The following AGAP1 variants were observed in gnomAD, a reference collection of about 807,000 sequenced individuals.
AGAP1 encodes arf-GAP with GTPase, ANK repeat and PH domain-containing protein 1.
A neutral mutation model predicts 105.3 loss-of-function variants in AGAP1; 29 were observed. The ratio of observed to expected loss-of-function variants is 0.28; its 90% CI spans 0.21 to 0.38. The LOEUF (loss-of-function observed/expected upper bound fraction) is 0.38, where lower values mean the gene tolerates loss of function less well. Ranked by LOEUF, AGAP1 falls within the 10% of genes least tolerant of loss-of-function variation. The pLI, the probability that AGAP1 is intolerant of heterozygous loss-of-function variation, is 1.00. For synonymous variants in AGAP1, 509 were observed against 485.9 expected (o/e 1.05, Z -0.63); for missense variants, 998 against 1,165.1 (o/e 0.86, Z 2.09).
At chr2:236,088,814 A>G (rs191637865) in intron 16 of AGAP1, among the ~76,000 whole-genome samples, 2 of 152,302 alleles carry the variant, frequency 1.3e-5, no homozygotes, top group African/African-American at 2.4e-5. Context: ...TTCTGCTTCT[A>G]TTCACTGTGT....
At chr2:235,852,658 A>T in intron 9 of AGAP1, 4 of 1,432,534 alleles carry the variant, frequency 2.8e-6, no homozygotes, top group Non-Finnish European at 3.7e-6. Flanking sequence ...GTTGTGAAGA[A>T]TTTTTTTTAT....
chr2:235,797,335 G>A (rs1038821128), intron 6 of AGAP1, among the ~76,000 whole-genome samples: 17 of 152,126 alleles, frequency 1.1e-4, no homozygotes, highest in East Asian at 5.8e-4. Flanking sequence ...TTGGGGGACC[G>A]GCTCTATCTG....
chr2:235,555,930 C>T lies in AGAP1; in HGVS notation c.163+61081C>T, dbSNP rs1574838970. Among the ~76,000 whole-genome samples the T allele has an allele frequency of 6.6e-6, 1 of 152,280 alleles. No homozygotes were observed. Among genetic ancestry groups the T allele is most frequent in the Non-Finnish European group, 1.5e-5 (1 of 68,036 alleles). On this transcript the variant is annotated intron_variant, in intron 1 of 17. Transcript: ENST00000304032. The surrounding 1 kb of genome is among the most constrained non-coding windows in gnomAD (Gnocchi z 5.1). The stretch of plus-strand genomic sequence containing the variant: ...AATATTTGGGGCACCTGCTCTGGGC[C>T]ATGTACACAATGAGGCAAAGCAATA...
At chr2:236,024,812 G>A (rs2057001627) in intron 13 of AGAP1, among the ~76,000 whole-genome samples, 1 of 152,218 alleles carries the variant, frequency 6.6e-6, no homozygotes, top group Non-Finnish European at 1.5e-5. Context: ...TGTTATTAAT[G>A]TCGTTTGGAA....
At chr2:235,998,912 G>A (rs1023444784) in intron 13 of AGAP1, among the ~76,000 whole-genome samples, 9 of 151,420 alleles carry the variant, frequency 5.9e-5, no homozygotes, top group African/African-American at 1.5e-4. Context: ...CGGCAATGAC[G>A]ATGATAGTAT....
rs962048494 is a variant in AGAP1 at position 235,794,764 on chromosome 2, G to C, written c.674-2995G>C. ...TGGGATTACAGGTATGAGCCACCGC[G>C]CCCAGCCGCTTCCAGATTTTTTTTA... On this transcript the variant is annotated intron_variant, in intron 6 of 17. Coordinates refer to ENST00000304032, the MANE Select transcript of AGAP1 (RefSeq NM_001037131.3). 2.0e-5 allele frequency among the ~76,000 whole-genome samples: 3 copies of C among 152,204 alleles called. No individual in the cohort carries two copies. The East Asian group carries it at 5.8e-4, about 29-fold the overall frequency.
chr2:236,091,124 G>A (rs907501481), intron 16 of AGAP1, among the ~76,000 whole-genome samples: 1 of 152,228 alleles, frequency 6.6e-6, no homozygotes, highest in Non-Finnish European at 1.5e-5. Flanking sequence ...CTACACACGT[G>A]CATGCGTGTT....
intron 8 of AGAP1, among the ~76,000 whole-genome samples, chr2:235,805,959 AGGAGAGTAGCACCC>A (rs1196649846): frequency 1.3e-5 from 2 of 152,216 alleles, no homozygotes; most frequent in Non-Finnish European, 2.9e-5. Flanking sequence ...ACAGCTGCCC[AGGAGAGTAGCACCC>A]TTTGAAGTGC....
At chr2:235,910,256 T>G (rs2051530181) in intron 11 of AGAP1, among the ~76,000 whole-genome samples, 2 of 152,296 alleles carry the variant, frequency 1.3e-5, no homozygotes, top group Admixed American at 1.3e-4. Context: ...CCCACCACAT[T>G]GGGGTGCTCT....
At position 235,930,792 on chromosome 2, in the gene AGAP1, A is replaced by G. The variant is rs1478869487; in HGVS notation, c.1352A>G (p.Gln451Arg). 1.2e-6 allele frequency: 2 copies of G among 1,613,980 alleles called. No homozygotes were observed. Among genetic ancestry groups the G allele is most frequent in the Non-Finnish European group, 1.7e-6 (2 of 1,180,000 alleles). Residue 451 changes from glutamine (Q) to arginine (R), a missense_variant, in exon 12 of 18, where the codon CAG becomes CGG. By Grantham distance (43) the Gln-to-Arg change is conservative. Coordinates refer to ENST00000304032, the MANE Select transcript of AGAP1 (RefSeq NM_001037131.3). The surrounding 1 kb of genome is among the most constrained non-coding windows in gnomAD (Gnocchi z 7.9). ...SGNVTSASGS[Q>R]MASGISLVSF... ...AATGTCACTAGTGCATCTGGGTCTCAGATGGCAAGCGGCATCAGCCTGGTC... is the reference window on the plus strand; with the variant it reads ...AATGTCACTAGTGCATCTGGGTCTCGGATGGCAAGCGGCATCAGCCTGGTC...
chr2:235,598,525 C>T (rs1945619743), intron 1 of AGAP1, among the ~76,000 whole-genome samples: 1 of 152,132 alleles, frequency 6.6e-6, no homozygotes, highest in Non-Finnish European at 1.5e-5. Flanking sequence ...GTTGCTGTTT[C>T]CAGGAACCTA....
rs908313337 is a variant in AGAP1, at chr2:235,906,915, C to T, written c.1156-1823C>T. Among the ~76,000 whole-genome samples the T allele has an allele frequency of 6.6e-6, 1 of 152,228 alleles. No individual in the cohort carries two copies. The highest frequency in any genetic ancestry group is 1.5e-5 in the Non-Finnish European group (1 of 68,050). On this transcript the variant is annotated intron_variant, in intron 10 of 17. Transcript: ENST00000304032. The surrounding 1 kb of genome is among the most constrained non-coding windows in gnomAD (Gnocchi z 5.3). The stretch of plus-strand genomic sequence containing the variant: ...CCTGTCATCCCAGCTACTCGGGAGA[C>T]TGAGGCAGGAGAATCTCTTGAATCC...
chr2:235,713,645 G>T (rs79246854), intron 2 of AGAP1, among the ~76,000 whole-genome samples: 244 of 152,358 alleles, frequency 1.6e-3, no homozygotes, highest in African/African-American at 5.6e-3. Context: ...TATCCTTGGG[G>T]CAGAGACCTA....
In AGAP1 at chr2:235,559,677, G is replaced by C. The variant is rs2149132772; in HGVS notation, c.163+64828G>C. Among the ~76,000 whole-genome samples, 1 of 151,800 alleles carries C rather than the reference G, an allele frequency of 6.6e-6. No individual in the cohort carries two copies. Among genetic ancestry groups the C allele is most frequent in the South Asian group, 2.1e-4 (1 of 4,794 alleles). On this transcript the variant is annotated intron_variant, in intron 1 of 17. Transcript: ENST00000304032. The surrounding 1 kb of genome is among the most constrained non-coding windows in gnomAD (Gnocchi z 5.7). ...ACCCCTGAAATTTAACATTTTGGTG[G>C]GTATGATGTGGTATCTCAACTGTGG... is the stretch of plus-strand genomic sequence containing the variant.
chr2:235,677,761 C>A (rs967254401), intron 1 of AGAP1, among the ~76,000 whole-genome samples: 10 of 151,900 alleles, frequency 6.6e-5, no homozygotes, highest in Non-Finnish European at 1.3e-4. Flanking sequence ...ACTCGGTGAA[C>A]AATGCCGCCA....
chr2:236,028,110 C>T (rs970211376), intron 13 of AGAP1, among the ~76,000 whole-genome samples: 4 of 152,166 alleles, frequency 2.6e-5, no homozygotes, highest in South Asian at 4.2e-4. Flanking sequence ...GTGCTTTCCA[C>T]GGTCAGCAGG....
At chr2:235,511,136 C>G (rs531288334) in intron 1 of AGAP1, among the ~76,000 whole-genome samples, 1 of 152,184 alleles carries the variant, frequency 6.6e-6, no homozygotes, top group South Asian at 2.1e-4. Flanking sequence ...GTGAGGGATG[C>G]TGCCCAAGAT....
chr2:235,763,417 A>AC (rs1954634963), intron 6 of AGAP1, among the ~76,000 whole-genome samples: 1 of 152,170 alleles, frequency 6.6e-6, no homozygotes, highest in South Asian at 2.1e-4. Flanking sequence ...CCTTGAGCAA[A>AC]CAGAACAGCT....
chr2:235,650,986 C>T (rs932089996), intron 1 of AGAP1, among the ~76,000 whole-genome samples: 1 of 151,744 alleles, frequency 6.6e-6, no homozygotes, highest in Non-Finnish European at 1.5e-5. Context: ...TCAAGACTAG[C>T]CTGGACAACA....
Sources: allele counts gnomAD v4.1 joint callset (sites outside exome capture counted in the v4.1 genomes callset), GRCh38; gene constraint gnomAD v4.1.1; non-coding constraint Gnocchi (gnomAD v3.1); transcripts MANE v1.5; gene names NCBI Gene and HGNC (gene_info 2026-07-23, HGNC 2026-07-21).